ADCY1: variants seen among roughly 807,000 people sequenced by gnomAD.
ADCY1 encodes the protein adenylate cyclase type 1.
ADCY1 carries 28 observed loss-of-function variants against 105.4 expected under a neutral mutation model. The observed-to-expected ratio is 0.27, with a 90% CI of 0.20 to 0.36. The LOEUF (loss-of-function observed/expected upper bound fraction) is 0.36, where lower values mean the gene tolerates loss of function less well. ADCY1 is among the 10% of genes least tolerant of loss of function. ADCY1 has a pLI of 1.00. For missense variants in ADCY1, 977 were observed against 1,434.2 expected (o/e 0.68, Z 5.15); for synonymous variants, 655 against 623.8 (o/e 1.05, Z -0.75).
intron 8 of ADCY1, among the ~76,000 whole-genome samples, chr7:45,665,227 T>A (rs1033665725): frequency 6.6e-6 from 1 of 152,272 alleles, no homozygotes; most frequent in Non-Finnish European, 1.5e-5. Flanking sequence ...TCTGTTATAT[T>A]TAAATGAAGC....
At chr7:45,619,760 A>G (rs1793841614) in intron 3 of ADCY1, among the ~76,000 whole-genome samples, 2 of 152,180 alleles carry the variant, frequency 1.3e-5, no homozygotes, top group Non-Finnish European at 2.9e-5. Context: ...TGGTAAAAGA[A>G]TACAAAATTT....
chr7:45,643,745 C>T (rs1341411378), intron 4 of ADCY1, among the ~76,000 whole-genome samples: 3 of 152,108 alleles, frequency 2.0e-5, no homozygotes, highest in Non-Finnish European at 4.4e-5. Flanking sequence ...CTGTTCCTCC[C>T]GTGCGTGTAG....
At chr7:45,592,986 T>A in intron 2 of ADCY1, 78 bp downstream of exon 2, 1 of 1,574,768 alleles carries the variant, frequency 6.4e-7, no homozygotes, top group South Asian at 1.1e-5. Context: ...TTCCTGAGCC[T>A]CAGTTTACCC....
intron 8 of ADCY1, chr7:45,664,352 C>T: frequency 6.5e-7 from 1 of 1,536,126 alleles, no homozygotes; most frequent in Non-Finnish European, 8.7e-7. Context: ...TCCCACCCTG[C>T]AACGGGGACG....
At chr7:45,667,723 T>A (rs1254621332) in intron 8 of ADCY1, among the ~76,000 whole-genome samples, 1 of 152,242 alleles carries the variant, frequency 6.6e-6, no homozygotes, top group Non-Finnish European at 1.5e-5. Flanking sequence ...CCTTGGGCAG[T>A]ATGGCCATTT....
chr7:45,624,410 G>A (rs2115936373), intron 4 of ADCY1, among the ~76,000 whole-genome samples: 1 of 152,192 alleles, frequency 6.6e-6, no homozygotes, highest in African/African-American at 2.4e-5. Context: ...ATCCCTGTGG[G>A]GAAGAAAAGG....
At chr7:45,664,229 A>G in intron 8 of ADCY1, 1 of 1,476,320 alleles carries the variant, frequency 6.8e-7, no homozygotes, top group Non-Finnish European at 9.1e-7. Flanking sequence ...GAGCCTGGCT[A>G]AAATTTGGTC....
At chr7:45,610,234 G>C in intron 2 of ADCY1, 145 bp from the exon 3 acceptor site, 1 of 670,114 alleles carries the variant, frequency 1.5e-6, no homozygotes, top group Non-Finnish European at 2.6e-6. Flanking sequence ...CTCCTGGAGG[G>C]AGTTGCTTGT....
intron 4 of ADCY1, among the ~76,000 whole-genome samples, chr7:45,635,099 C>G (rs1794362675): frequency 6.7e-6 from 1 of 149,540 alleles, no homozygotes; most frequent in African/African-American, 2.4e-5. Context: ...AAGTTTTTAA[C>G]TACAAATTTA....
At chr7:45,578,074 C>G (rs1023479625) in intron 1 of ADCY1, among the ~76,000 whole-genome samples, 1 of 152,216 alleles carries the variant, frequency 6.6e-6, no homozygotes, top group Non-Finnish European at 1.5e-5. Context: ...GGGAATGCAG[C>G]CTGGGTGCTT....
chr7:45,595,697 C>T (rs920806334), intron 2 of ADCY1, among the ~76,000 whole-genome samples: 2 of 152,178 alleles, frequency 1.3e-5, no homozygotes, highest in African/African-American at 4.8e-5. Context: ...CTTATATTTT[C>T]AAATGGAAGG....
At chr7:45,610,571 A>C in intron 3 of ADCY1, 74 bp downstream of exon 3, 1 of 1,294,274 alleles carries the variant, frequency 7.7e-7, no homozygotes, top group Non-Finnish European at 1.1e-6. Flanking sequence ...GAAGGTGGGG[A>C]GGTGATGACA....
At chr7:45,711,971 ATATTATAT>A (rs1430378170) in intron 19 of ADCY1, among the ~76,000 whole-genome samples, 1 of 60,624 alleles carries the variant, frequency 1.6e-5, no homozygotes, top group African/African-American at 4.2e-5. Context: ...ATATAAATAC[ATATTATAT>A]TAAATATATA....
chr7:45,712,047 TAA>T (rs1785267095), intron 19 of ADCY1, among the ~76,000 whole-genome samples: 1 of 129,262 alleles, frequency 7.7e-6, no homozygotes. Context: ...ATATTTTATA[TAA>T]TATATTAAAT....
At chr7:45,629,509 CTTTT>C (rs34705083) in intron 4 of ADCY1, among the ~76,000 whole-genome samples, 1 of 129,394 alleles carries the variant, frequency 7.7e-6, no homozygotes. Flanking sequence ...GTATGCTTAA[CTTTT>C]TTTTTTTTTT....
intron 17 of ADCY1, among the ~76,000 whole-genome samples, chr7:45,707,929 A>C (rs1035173877): frequency 6.6e-6 from 1 of 152,258 alleles, no homozygotes; most frequent in African/African-American, 2.4e-5. Context: ...CTGTTTCACA[A>C]GAGAAAGGAC....
intron 6 of ADCY1, 35 bp downstream of exon 6, chr7:45,657,920 T>TGGGTTGGG: frequency 8.7e-6 from 4 of 460,300 alleles, no homozygotes; most frequent in Admixed American, 2.9e-5. Flanking sequence ...GGGAGGGAGG[T>TGGGTTGGG]GGGTGATGGC....
chr7:45,672,901 G>A (rs1033697566), intron 8 of ADCY1, among the ~76,000 whole-genome samples: 2 of 152,086 alleles, frequency 1.3e-5, no homozygotes, highest in Admixed American at 1.3e-4. Context: ...TAGAAGGAAC[G>A]TGTTCAGTCT....
At chr7:45,689,155 C>T (rs1584333599) in intron 14 of ADCY1, among the ~76,000 whole-genome samples, 1 of 151,912 alleles carries the variant, frequency 6.6e-6, no homozygotes, top group Admixed American at 6.6e-5. Flanking sequence ...TGCTGAGAAC[C>T]CTCGCCCTTT....
Sources: gnomAD v4.1 joint callset for allele counts (sites outside exome capture counted in the v4.1 genomes callset) on GRCh38, gnomAD v4.1.1 for gene constraint, MANE v1.5 for transcripts, NCBI Gene and HGNC (gene_info 2026-07-23, HGNC 2026-07-21) for gene names.